Variants in PLPPR5 observed in about 807,000 individuals in gnomAD.
PLPPR5 encodes the protein phospholipid phosphatase related 5.
In PLPPR5, 16 loss-of-function variants were observed where a neutral mutation model predicts 33.9. The observed-to-expected ratio is 0.47, with a 90% CI of 0.32 to 0.72. The LOEUF is 0.72. Among genes scored for constraint, PLPPR5 ranks in the 30% least tolerant of loss-of-function variants. PLPPR5 has a pLI of 0.03. For missense variants in PLPPR5, 301 were observed against 406.7 expected (o/e 0.74, Z 2.23); for synonymous variants, 163 against 150.3 (o/e 1.08, Z -0.62).
intron 5 of PLPPR5, among the ~76,000 whole-genome samples, chr1:98,907,288 GCCC>G (rs1367774307): frequency 1.4e-5 from 2 of 144,548 alleles, no homozygotes; most frequent in Non-Finnish European, 3.0e-5. Context: ...TGCAACCTCT[GCCC>G]CCCAGGTTCA....
chr1:98,953,045 C>T (rs368522706), intron 3 of PLPPR5, 25 bp downstream of exon 3: 1 of 1,612,392 alleles, frequency 6.2e-7, no homozygotes, highest in African/African-American at 1.3e-5. Context: ...CAGACTAAGA[C>T]AACAAATTTA....
chr1:98,973,258 A>G (rs1464889835), intron 1 of PLPPR5, among the ~76,000 whole-genome samples: 1 of 152,144 alleles, frequency 6.6e-6, no homozygotes, highest in African/African-American at 2.4e-5. Context: ...AATTTAAAAT[A>G]TACAAATAAC....
At chr1:98,965,294 A>T (rs1231019673) in intron 1 of PLPPR5, among the ~76,000 whole-genome samples, 1 of 152,092 alleles carries the variant, frequency 6.6e-6, no homozygotes, top group Non-Finnish European at 1.5e-5. Flanking sequence ...TGAGTATCAC[A>T]TTCCTTATTA....
At chr1:98,920,593 C>CAAA (rs763477562) in intron 4 of PLPPR5, among the ~76,000 whole-genome samples, 5 of 69,014 alleles carry the variant, frequency 7.2e-5, no homozygotes, top group Admixed American at 3.7e-4. Context: ...GTGGTATCAC[C>CAAA]AAAAAAAAAA....
At chr1:98,940,402 T>C (rs1355071712) in intron 3 of PLPPR5, among the ~76,000 whole-genome samples, 1 of 151,900 alleles carries the variant, frequency 6.6e-6, no homozygotes, top group African/African-American at 2.4e-5. Context: ...TCCCAAAGGC[T>C]TCATCTCCAA....
chr1:98,978,809 G>A (rs183260021), intron 1 of PLPPR5, among the ~76,000 whole-genome samples: 16 of 152,058 alleles, frequency 1.1e-4, no homozygotes, highest in African/African-American at 1.7e-4. Flanking sequence ...AATCAATGAG[G>A]TCAAATAATT....
chr1:98,990,681 T>C (rs1652421931), intron 1 of PLPPR5, among the ~76,000 whole-genome samples: 1 of 151,704 alleles, frequency 6.6e-6, no homozygotes, highest in Non-Finnish European at 1.5e-5. Flanking sequence ...CAGTGATGAT[T>C]AGGAAATAAA....
At chr1:99,004,386 G>A in intron 1 of PLPPR5, 49 bp downstream of exon 1, 1 of 1,491,914 alleles carries the variant, frequency 6.7e-7, no homozygotes, top group South Asian at 1.2e-5. Flanking sequence ...CCGAAGGCGA[G>A]GGGCGAGATC....
In PLPPR5 at chr1:98,995,883, G is replaced by A. The variant is rs577308680; in HGVS notation, c.237+8552C>T. On this transcript the variant is annotated intron_variant, in intron 1 of 5. Coordinates refer to ENST00000263177, the MANE Select transcript of PLPPR5 (RefSeq NM_001037317.2). ...ATCATCACCATGAACTTCAGTTGGT[G>A]TCTGGATACCTTATCTAGTAAAAAT... is the stretch of plus-strand genomic sequence containing the variant. Among the ~76,000 whole-genome samples, 129 of 152,172 alleles carry A rather than the reference G, an allele frequency of 8.5e-4. 1 individual carries two copies. The highest frequency in any genetic ancestry group is 1.4e-3 in the Non-Finnish European group (94 of 67,992).
At position 98,893,058 on chromosome 1, in the gene PLPPR5, C is replaced by A; in HGVS notation, c.*14G>T. On this transcript the variant is annotated 3_prime_UTR_variant, in exon 6 of 6. Transcript: ENST00000263177. Reference sequence around the variant, plus strand: ...GATGATGTCCAATGCAGTGAAAAACCATCTGCTTCGATATCATGTGACTTC... The same window carrying A: ...GATGATGTCCAATGCAGTGAAAAACAATCTGCTTCGATATCATGTGACTTC... 6.2e-7 allele frequency: 1 copy of A among 1,610,552 alleles called. No homozygotes were observed. The highest frequency in any genetic ancestry group is 8.5e-7 in the Non-Finnish European group (1 of 1,177,972).
chr1:98,917,556 C>G (rs751674841), intron 4 of PLPPR5, among the ~76,000 whole-genome samples: 3 of 152,264 alleles, frequency 2.0e-5, no homozygotes, highest in Non-Finnish European at 2.9e-5. Flanking sequence ...TCTCTGTTTT[C>G]AAAACACTTT....
rs191426524 is a variant in PLPPR5, at chr1:99,001,756, T to G, written c.237+2679A>C. ...AATGTAAAAGAGACTATTTGAGGCA[T>G]TTATTTAGAAGAACGATTCATGAGC... On this transcript the variant is annotated intron_variant, in intron 1 of 5. Coordinates refer to ENST00000263177, the MANE Select transcript of PLPPR5 (RefSeq NM_001037317.2). Among the ~76,000 whole-genome samples, 9 of 146,800 alleles carry G rather than the reference T, an allele frequency of 6.1e-5. No homozygotes were observed. The East Asian group carries it at 1.8e-3, about 30-fold the overall frequency.
intron 3 of PLPPR5, among the ~76,000 whole-genome samples, chr1:98,952,379 G>A (rs1650822451): frequency 6.6e-6 from 1 of 152,112 alleles, no homozygotes; most frequent in South Asian, 2.1e-4. Flanking sequence ...TGAGGAGGGA[G>A]AGGCTGATGG....
chr1:98,974,684 T>C (rs1221095196), intron 1 of PLPPR5, among the ~76,000 whole-genome samples: 1 of 152,094 alleles, frequency 6.6e-6, no homozygotes, highest in Non-Finnish European at 1.5e-5. Context: ...TATAGAGCTA[T>C]AATCCAAGCT....
In PLPPR5 at chr1:98,973,391, G is replaced by A. The variant is rs529189066; in HGVS notation, c.238-16650C>T. ...AGAATACCTTAAATTAGGGACAGTA[G>A]GATGGGGAGAGAGGAAGAAAGTCTT... On this transcript the variant is annotated intron_variant, in intron 1 of 5. Transcript: ENST00000263177. Among the ~76,000 whole-genome samples the A allele has an allele frequency of 5.3e-5, 8 of 152,084 alleles. No individual in the cohort carries two copies. In the East Asian group the frequency reaches 1.6e-3, roughly 30 times the overall value.
rs189655685 is a variant in PLPPR5, at chr1:98,999,627, A to G, written c.237+4808T>C. Among the ~76,000 whole-genome samples, 23 of 152,352 alleles carry G rather than the reference A, an allele frequency of 1.5e-4. 1 individual carries two copies. The East Asian group carries it at 4.0e-3, about 27-fold the overall frequency. ...CTACACCACACCACGGGAATGTTCC[A>G]GGAATGGGGATGGGCAGTGATGCCC... On this transcript the variant is annotated intron_variant, in intron 1 of 5. Coordinates refer to ENST00000263177, the MANE Select transcript of PLPPR5 (RefSeq NM_001037317.2).
At chr1:98,942,605 A>C (rs1210003304) in intron 3 of PLPPR5, among the ~76,000 whole-genome samples, 1 of 152,154 alleles carries the variant, frequency 6.6e-6, no homozygotes, top group African/African-American at 2.4e-5. Context: ...AGTGCACTGG[A>C]TGGTAAAAAC....
At chr1:98,951,581 G>A (rs1650785464) in intron 3 of PLPPR5, among the ~76,000 whole-genome samples, 1 of 152,074 alleles carries the variant, frequency 6.6e-6, no homozygotes. Context: ...GAATTAACTT[G>A]GCTTAAAAAC....
intron 1 of PLPPR5, among the ~76,000 whole-genome samples, chr1:98,960,536 AATAATT>A (rs1651207748): frequency 6.6e-6 from 1 of 152,188 alleles, no homozygotes. Flanking sequence ...ATGAAAATAA[AATAATT>A]ATAATTATGA....
Sources: gnomAD v4.1 joint callset for allele counts (sites outside exome capture counted in the v4.1 genomes callset) on GRCh38, gnomAD v4.1.1 for gene constraint, MANE v1.5 for transcripts, NCBI Gene and HGNC (gene_info 2026-07-23, HGNC 2026-07-21) for gene names.